VCPIP1: variants seen among roughly 807,000 people sequenced by gnomAD.
VCPIP1 encodes valosin containing protein interacting protein 1.
In VCPIP1, 8 loss-of-function variants were observed where a neutral mutation model predicts 85.0. The ratio of observed to expected loss-of-function variants is 0.09; its 90% confidence interval spans 0.06 to 0.17. VCPIP1 has a LOEUF of 0.17. Ranked by LOEUF, VCPIP1 falls within the 10% of genes least tolerant of loss-of-function variation. The pLI, the probability that VCPIP1 is intolerant of heterozygous loss-of-function variation, is 1.00. For missense variants in VCPIP1, 1,070 were observed against 1,486.3 expected, an observed-to-expected ratio of 0.72 and a Z score of 4.61; for synonymous variants, 543 against 544.5, an observed-to-expected ratio of 1.00 and a Z score of 0.04.
chr8:66,641,856 G>A (rs1373430013), intron 2 of VCPIP1, among the ~76,000 whole-genome samples: 1 of 152,200 alleles, frequency 6.6e-6, no homozygotes, highest in African/African-American at 2.4e-5. Context: ...GGACATTTTA[G>A]TAACTTCCAT....
At position 66,630,245 on chromosome 8, in the gene VCPIP1, C is replaced by G. The variant is rs888535353; in HGVS notation, c.*4256G>C. On this transcript the variant is annotated 3_prime_UTR_variant, in exon 3 of 3. Transcript: ENST00000310421. ...GAAATCGGAAAATAATGGGCAACAGCCAGTGCCTTAAGGGTGAAATAACAT... is the reference window on the plus strand; with the variant it reads ...GAAATCGGAAAATAATGGGCAACAGGCAGTGCCTTAAGGGTGAAATAACAT... The G allele has an allele frequency of 6.6e-6, 1 of 152,140 alleles. No individual in the cohort carries two copies. Among genetic ancestry groups the G allele is most frequent in the Non-Finnish European group, 1.5e-5 (1 of 68,020 alleles). The allele number at this position is 152,140 out of a possible 1,614,324, so 9.4% of individuals were successfully genotyped here. A position where few individuals can be genotyped will look rare whatever the true frequency, so the allele number is the denominator to read the frequency against.
At chr8:66,645,903 C>G (rs1366424741) in intron 2 of VCPIP1, among the ~76,000 whole-genome samples, 1 of 152,032 alleles carries the variant, frequency 6.6e-6, no homozygotes. Context: ...GCACTCCAAC[C>G]CGGGTAACAA....
rs1386286838 is a variant in VCPIP1 at position 66,664,864 on chromosome 8, T to C, written c.2095A>G (p.Thr699Ala). 6.2e-7 allele frequency: 1 copy of C among 1,614,136 alleles called. No individual in the cohort carries two copies. Among genetic ancestry groups the C allele is most frequent in the Non-Finnish European group, 8.5e-7 (1 of 1,180,026 alleles). Reference protein sequence around the residue: ...PTKIILTGQKTKTLHKEELNM... With the variant: ...PTKIILTGQKAKTLHKEELNM... Reference sequence around the variant, plus strand: ...AACTCCTCCTTGTGCAAAGTTTTTGTTTTCTGTCCAGTAAGAATAATTTTA... The same window carrying C: ...AACTCCTCCTTGTGCAAAGTTTTTGCTTTCTGTCCAGTAAGAATAATTTTA... The change falls in exon 1 of 3, where the codon ACA becomes GCA. Residue 699 changes from threonine to alanine, a missense_variant. Physicochemically the swap from Thr to Ala is moderately conservative, Grantham distance 58. This residue lies in a region of VCPIP1 where 278 missense variants were observed against 298.5 expected (regional missense o/e 0.93). Transcript: ENST00000310421.
chr8:66,662,964 G>C (rs759242417), intron 1 of VCPIP1, among the ~76,000 whole-genome samples: 1 of 151,838 alleles, frequency 6.6e-6, no homozygotes, highest in African/African-American at 2.4e-5. Context: ...AATTAGCTGG[G>C]CATGGAGGCG....
At chr8:66,639,830 C>T (rs991698864) in intron 2 of VCPIP1, among the ~76,000 whole-genome samples, 2 of 151,914 alleles carry the variant, frequency 1.3e-5, no homozygotes, top group African/African-American at 2.4e-5. Context: ...TTGAGAGGGG[C>T]TTGATACGTT....
chr8:66,662,408 G>A (rs561961364), intron 1 of VCPIP1, among the ~76,000 whole-genome samples: 2 of 152,194 alleles, frequency 1.3e-5, no homozygotes, highest in Non-Finnish European at 2.9e-5. Context: ...GCCGAATTCT[G>A]CTTTTCACTT....
chr8:66,666,932 A>AGGCGGCGGC lies in VCPIP1; in HGVS notation c.18_26dup (p.Pro8_Pro10dup), dbSNP rs760029763. The AGGCGGCGGC allele has an allele frequency of 8.9e-6, 14 of 1,581,230 alleles. No homozygotes were observed. Among genetic ancestry groups the AGGCGGCGGC allele is most frequent in the Admixed American group, 2.0e-5 (1 of 49,936 alleles). On this transcript the variant is annotated inframe_insertion, in exon 1 of 3. Coordinates refer to ENST00000310421, the MANE Select transcript of VCPIP1 (RefSeq NM_025054.5). The surrounding 1 kb of genome is among the most constrained non-coding windows in gnomAD (Gnocchi z 6.3). ...GGGGAGGAGGTGGCGGCGGCAACGG[A>AGGCGGCGGC]GGCGGCGGCGGCGGCGGCTGAGACA...
At position 66,629,358 on chromosome 8, in the gene VCPIP1, A is replaced by G. The variant is rs1810811131; in HGVS notation, c.*5143T>C. The G allele has an allele frequency of 6.6e-6, 1 of 152,240 alleles. No homozygotes were observed. Among genetic ancestry groups the G allele is most frequent in the Admixed American group, 6.5e-5 (1 of 15,286 alleles). The allele number at this position is 152,240 out of a possible 1,614,324, so 9.4% of individuals were successfully genotyped here. On this transcript the variant is annotated 3_prime_UTR_variant, in exon 3 of 3. Transcript: ENST00000310421. ...ATAAAATGTATATTAAGCATATACA[A>G]TAAAACTTGGAAGTAAACGTGTTGA...
chr8:66,641,063 C>G (rs987419534), intron 2 of VCPIP1, among the ~76,000 whole-genome samples: 1 of 152,216 alleles, frequency 6.6e-6, no homozygotes, highest in Non-Finnish European at 1.5e-5. Flanking sequence ...GATGCTGCTG[C>G]AGGGCCGCAC....
At chr8:66,649,932 A>G (rs1043387797) in intron 2 of VCPIP1, among the ~76,000 whole-genome samples, 2 of 152,214 alleles carry the variant, frequency 1.3e-5, no homozygotes, top group African/African-American at 4.8e-5. Context: ...TCTCTGATTA[A>G]AGAAAAACCA....
intron 2 of VCPIP1, among the ~76,000 whole-genome samples, chr8:66,640,218 A>C (rs1810933705): frequency 6.6e-6 from 1 of 152,222 alleles, no homozygotes; most frequent in South Asian, 2.1e-4. Context: ...GCTGTGTTAT[A>C]GTCAGAATTT....
In VCPIP1 at chr8:66,631,187, A is replaced by G. The variant is rs1378983590; in HGVS notation, c.*3314T>C. ...AACTCAAAATCTGTGTAGTATTTTA[A>G]GTATGAACCAATTGAAATTACTGTT... On this transcript the variant is annotated 3_prime_UTR_variant, in exon 3 of 3. Transcript: ENST00000310421. 2 of 152,146 alleles carry G rather than the reference A, an allele frequency of 1.3e-5. No individual in the cohort carries two copies. Among genetic ancestry groups the G allele is most frequent in the Admixed American group, 1.3e-4 (2 of 15,282 alleles). The allele number at this position is 152,146 out of a possible 1,614,324, so 9.4% of individuals were successfully genotyped here.
At chr8:66,646,614 A>G (rs544941535) in intron 2 of VCPIP1, among the ~76,000 whole-genome samples, 30 of 152,058 alleles carry the variant, frequency 2.0e-4, no homozygotes, top group African/African-American at 7.2e-4. Context: ...TGACCAACAT[A>G]GTGAAACCTT....
At chr8:66,640,621 C>A (rs1312811231) in intron 2 of VCPIP1, among the ~76,000 whole-genome samples, 1 of 152,188 alleles carries the variant, frequency 6.6e-6, no homozygotes. Flanking sequence ...CCAGGCAGAC[C>A]AGCAGACTGG....
In VCPIP1 at chr8:66,630,123, A is replaced by G. The variant is rs1586618844; in HGVS notation, c.*4378T>C. The stretch of plus-strand genomic sequence containing the variant: ...TATAGTTTTATTATTGATATAAAAG[A>G]AAACTTCAAATACTGTACAGTAAGG... On this transcript the variant is annotated 3_prime_UTR_variant, in exon 3 of 3. Coordinates refer to ENST00000310421, the MANE Select transcript of VCPIP1 (RefSeq NM_025054.5). 1 of 152,196 alleles carries G rather than the reference A, an allele frequency of 6.6e-6. No individual in the cohort carries two copies. The highest frequency in any genetic ancestry group is 2.4e-5 in the African/African-American group (1 of 41,430). 9.4% of individuals were successfully genotyped at this position (152,196 alleles called of 1,614,324 possible).
rs776309871 is a variant in VCPIP1, at chr8:66,666,137, G to A, written c.822C>T (p.Asp274=). ...CACCCTCAGGTGGTACAAACAGAGG[G>A]TCACACTCATTGATAATGTCCTCCC... ...AEWEDIINEC[D]PLFVPPEGVP... Residue 274 remains aspartate, a synonymous_variant, in exon 1 of 3, where the codon GAC becomes GAT. Transcript: ENST00000310421. This position sits in a 1 kb window ranked among gnomAD's most constrained non-coding sequence, Gnocchi z 6.3. 145 of 1,614,062 alleles carry A rather than the reference G, an allele frequency of 9.0e-5. No individual in the cohort carries two copies. The highest frequency in any genetic ancestry group is 1.1e-4 in the Non-Finnish European group (130 of 1,180,046).
intron 1 of VCPIP1, among the ~76,000 whole-genome samples, chr8:66,661,785 A>G (rs1811160515): frequency 1.4e-5 from 2 of 144,240 alleles, no homozygotes; most frequent in East Asian, 2.1e-4. Flanking sequence ...TTTTTTTGAG[A>G]TACAGTCTTG....
In VCPIP1 at chr8:66,633,890, T is replaced by A. The variant is rs1810857475; in HGVS notation, c.*611A>T. ...TTGACCTCATCAATCTAGAAGAAAT[T>A]TTTCCCCAATCTTGCACAAATCAGC... On this transcript the variant is annotated 3_prime_UTR_variant, in exon 3 of 3. Transcript: ENST00000310421. The A allele has an allele frequency of 6.6e-6, 1 of 152,148 alleles. No homozygotes were observed. Among genetic ancestry groups the A allele is most frequent in the African/African-American group, 2.4e-5 (1 of 41,448 alleles). 9.4% of individuals were successfully genotyped at this position (152,148 alleles called of 1,614,324 possible).
At position 66,666,696 on chromosome 8, in the gene VCPIP1, A is replaced by G. The variant is rs1449216681; in HGVS notation, c.263T>C (p.Val88Ala). ...EQQQLLGVEE[V>A]TDPDVVLHNL... Reference sequence around the variant, plus strand: ...GTGTAGCACTACGTCCGGGTCGGTCACCTCCTCAACCCCCAGCAGCTGTTG... The same window carrying G: ...GTGTAGCACTACGTCCGGGTCGGTCGCCTCCTCAACCCCCAGCAGCTGTTG... Residue 88 changes from valine (V) to alanine (A), a missense_variant, in exon 1 of 3, where the codon GTG (valine) becomes GCG (alanine). Coordinates refer to ENST00000310421, the MANE Select transcript of VCPIP1 (RefSeq NM_025054.5). This position sits in a 1 kb window ranked among gnomAD's most constrained non-coding sequence, Gnocchi z 6.3. 6.2e-7 allele frequency: 1 copy of G among 1,613,782 alleles called. No individual in the cohort carries two copies. Among genetic ancestry groups the G allele is most frequent in the African/African-American group, 1.3e-5 (1 of 74,874 alleles).
Sources: allele counts gnomAD v4.1 joint callset (sites outside exome capture counted in the v4.1 genomes callset), GRCh38; gene constraint gnomAD v4.1.1; regional missense constraint gnomAD v4.1.1; non-coding constraint Gnocchi (gnomAD v3.1); transcripts MANE v1.5; gene names NCBI Gene and HGNC (gene_info 2026-07-23, HGNC 2026-07-21).